KCNMA1: variants seen among roughly 807,000 people sequenced by gnomAD.
KCNMA1 encodes the protein potassium calcium-activated channel subfamily M alpha 1.
A neutral mutation model predicts 140.0 loss-of-function variants in KCNMA1; 29 were observed. The observed-to-expected ratio is 0.21, with a 90% confidence interval of 0.15 to 0.28. KCNMA1 has a LOEUF of 0.28. Ranked by LOEUF, KCNMA1 falls within the 10% of genes least tolerant of loss-of-function variation. The probability of loss-of-function intolerance (pLI) is 1.00; values close to 1 mark genes in which losing one functional copy is unlikely to be tolerated. For missense variants in KCNMA1, 880 were observed against 1,602.2 expected (o/e 0.55, Z 7.70); for synonymous variants, 612 against 611.9 (o/e 1.00, Z 0.00).
At chr10:77,286,393 T>A (rs922118252) in intron 2 of KCNMA1, among the ~76,000 whole-genome samples, 2 of 152,182 alleles carry the variant, frequency 1.3e-5, no homozygotes, top group African/African-American at 4.8e-5. Flanking sequence ...TTAAAGAGAA[T>A]GTAAAAGAAA....
intron 18 of KCNMA1, among the ~76,000 whole-genome samples, chr10:77,006,870 G>T (rs142865743): frequency 0.013 from 1,993 of 152,304 alleles, 27 homozygotes; most frequent in Non-Finnish European, 0.02. Context: ...AAGCCACAGA[G>T]TCGATTTTGG....
At chr10:77,065,828 G>A (rs1372549616) in intron 14 of KCNMA1, among the ~76,000 whole-genome samples, 3 of 152,142 alleles carry the variant, frequency 2.0e-5, no homozygotes, top group Non-Finnish European at 2.9e-5. Context: ...CAGTTCTAAT[G>A]CCTTAGAGGA....
intron 1 of KCNMA1, among the ~76,000 whole-genome samples, chr10:77,574,731 C>T (rs2073356888): frequency 6.6e-6 from 1 of 152,244 alleles, no homozygotes; most frequent in Non-Finnish European, 1.5e-5. Context: ...GAAATGACGA[C>T]TCCTAGCTCA....
chr10:77,030,831 A>G (rs1033170216), intron 15 of KCNMA1, among the ~76,000 whole-genome samples: 3 of 152,202 alleles, frequency 2.0e-5, no homozygotes, highest in Non-Finnish European at 2.9e-5. Flanking sequence ...ATTCAAATCC[A>G]TACCCAAGCT....
chr10:77,603,537 G>C (rs1175293462), intron 1 of KCNMA1, among the ~76,000 whole-genome samples: 1 of 152,174 alleles, frequency 6.6e-6, no homozygotes, highest in Non-Finnish European at 1.5e-5. Context: ...AGGGACCTCA[G>C]ATCCAGTCCA....
chr10:77,615,932 T>G (rs910326063), intron 1 of KCNMA1, among the ~76,000 whole-genome samples: 1 of 152,198 alleles, frequency 6.6e-6, no homozygotes, highest in South Asian at 2.1e-4. Flanking sequence ...TATTGAGGAC[T>G]TACAAGATGC....
intron 1 of KCNMA1, among the ~76,000 whole-genome samples, chr10:77,473,884 A>G (rs923937178): frequency 3.9e-5 from 6 of 152,182 alleles, no homozygotes; most frequent in African/African-American, 1.2e-4. Context: ...GCCAGTTAAT[A>G]TAATTATTTT....
chr10:77,281,698 C>T (rs1421901834), intron 2 of KCNMA1, among the ~76,000 whole-genome samples: 6 of 152,136 alleles, frequency 3.9e-5, no homozygotes, highest in African/African-American at 1.4e-4. Flanking sequence ...AAGTGCCTGA[C>T]TGGTAATAAA....
chr10:77,155,699 T>G (rs991168656), intron 5 of KCNMA1, among the ~76,000 whole-genome samples: 4 of 152,012 alleles, frequency 2.6e-5, no homozygotes, highest in Non-Finnish European at 4.4e-5. Flanking sequence ...ACTAAAACAA[T>G]AAGAAGATGC....
At chr10:77,038,022 T>TCC (rs1199345178) in intron 15 of KCNMA1, among the ~76,000 whole-genome samples, 1 of 152,188 alleles carries the variant, frequency 6.6e-6, no homozygotes, top group African/African-American at 2.4e-5. Context: ...ATCAATTACC[T>TCC]ATTCACTTTT....
At chr10:77,438,423 C>T (rs138032851) in intron 1 of KCNMA1, among the ~76,000 whole-genome samples, 1,632 of 151,946 alleles carry the variant, frequency 0.011, 17 homozygotes, top group Non-Finnish European at 0.016. Context: ...ATTAGCCGGG[C>T]GTGGTGGTGC....
At chr10:77,089,254 G>C (rs572671483) in intron 10 of KCNMA1, among the ~76,000 whole-genome samples, 63 of 152,314 alleles carry the variant, frequency 4.1e-4, no homozygotes, top group Admixed American at 2.7e-3. Context: ...CACCAAACAG[G>C]GAGTTTGTAG....
rs991553254 is a variant in KCNMA1, at chr10:77,108,297, A to G, written c.1223+184T>C. 1 of 1,494,294 alleles carries G rather than the reference A, an allele frequency of 6.7e-7. No homozygotes were observed. Among genetic ancestry groups the G allele is most frequent in the Non-Finnish European group, 8.9e-7 (1 of 1,129,728 alleles). 92.6% of individuals were successfully genotyped at this position (1,494,294 alleles called of 1,614,324 possible). On this transcript the variant is annotated intron_variant, in intron 9 of 27. Coordinates refer to ENST00000286628, the MANE Select transcript of KCNMA1 (RefSeq NM_001161352.2). The surrounding 1 kb of genome is among the most constrained non-coding windows in gnomAD (Gnocchi z 4.6). ...TGCAACTGACTTACTTTCTGCCTCC[A>G]TGTTTGTTAAAAGTCCCGCCGAATT...
intron 2 of KCNMA1, among the ~76,000 whole-genome samples, chr10:77,366,140 C>T (rs200209191): frequency 2.2e-5 from 1 of 45,846 alleles, no homozygotes; most frequent in Non-Finnish European, 4.4e-5. Context: ...TTCTCTCTCT[C>T]TCTCTTTCTC....
chr10:77,304,378 G>A (rs546748297), intron 2 of KCNMA1: 2 of 152,338 alleles, frequency 1.3e-5, no homozygotes, highest in East Asian at 1.9e-4. Flanking sequence ...GACCCACTGT[G>A]AGTCATACCT....
chr10:77,296,918 G>GGGGGGGGGA (rs34224383), intron 2 of KCNMA1, among the ~76,000 whole-genome samples: 1 of 144,606 alleles, frequency 6.9e-6, no homozygotes, highest in African/African-American at 2.5e-5. Flanking sequence ...TGGGCGGGGG[G>GGGGGGGGGA]GCGGTGGGGG....
At chr10:76,993,917 G>GC (rs554443211) in intron 19 of KCNMA1, among the ~76,000 whole-genome samples, 37 of 152,270 alleles carry the variant, frequency 2.4e-4, no homozygotes, top group African/African-American at 4.8e-4. Context: ...TGTGCAGGAG[G>GC]CCCCCCCAGG....
chr10:77,083,400 G>A (rs955945094), intron 12 of KCNMA1, among the ~76,000 whole-genome samples: 1 of 151,694 alleles, frequency 6.6e-6, no homozygotes, highest in Non-Finnish European at 1.5e-5. Flanking sequence ...AAAGAATAAG[G>A]TGCTGGTGTT....
chr10:77,622,725 A>G (rs910824303), intron 1 of KCNMA1, among the ~76,000 whole-genome samples: 2 of 152,248 alleles, frequency 1.3e-5, no homozygotes, highest in African/African-American at 4.8e-5. Context: ...CAGAATAAAC[A>G]TAAGGAGCTT....
Sources: gnomAD v4.1 joint callset for allele counts (sites outside exome capture counted in the v4.1 genomes callset) on GRCh38, gnomAD v4.1.1 for gene constraint, Gnocchi (gnomAD v3.1) non-coding constraint, MANE v1.5 for transcripts, NCBI Gene and HGNC (gene_info 2026-07-23, HGNC 2026-07-21) for gene names.